The following NIBAN2 variants were observed in gnomAD, a reference collection of about 807,000 sequenced individuals.
NIBAN2 encodes protein Niban 2.
Under a neutral mutation model 81.8 loss-of-function variants are expected in NIBAN2, and 36 were observed. That is an observed-to-expected ratio of 0.44 (90% confidence interval 0.34 to 0.58). NIBAN2 has a LOEUF of 0.58. Ranked by LOEUF, NIBAN2 falls within the 20% of genes least tolerant of loss-of-function variation. The pLI is 0.02. For missense variants in NIBAN2, 897 were observed against 1,014.1 expected, an observed-to-expected ratio of 0.88 and a Z score of 1.57; for synonymous variants, 445 against 441.6, an observed-to-expected ratio of 1.01 and a Z score of -0.10.
chr9:127,528,221 T>C (rs1386500547), intron 2 of NIBAN2, among the ~76,000 whole-genome samples: 1 of 152,118 alleles, frequency 6.6e-6, no homozygotes, highest in East Asian at 1.9e-4. Flanking sequence ...GGGAGATCTT[T>C]AAACTAGGGT....
At chr9:127,527,363 G>T (rs745852032) in intron 2 of NIBAN2, 41 bp from the exon 3 acceptor site, 1 of 1,590,080 alleles carries the variant, frequency 6.3e-7, no homozygotes, top group South Asian at 1.1e-5. Context: ...CCAGGTCTGG[G>T]GGGGTGGTGC....
Position 127,517,343 on chromosome 9 carries a change from C to A in NIBAN2, c.706-127G>T. On this transcript the variant is annotated intron_variant, in intron 6 of 13. Coordinates refer to ENST00000373312, the MANE Select transcript of NIBAN2 (RefSeq NM_022833.4). This position sits in a 1 kb window ranked among gnomAD's most constrained non-coding sequence, Gnocchi z 4.0. ...CTCCGCGACTGGCCCATTGCTTCACCCTCCCTGCTGCCCTCTCTCCTGAGC... is the reference window on the plus strand; with the variant it reads ...CTCCGCGACTGGCCCATTGCTTCACACTCCCTGCTGCCCTCTCTCCTGAGC... 1.4e-6 allele frequency: 1 copy of A among 724,166 alleles called. No individual in the cohort carries two copies. The allele number at this position is 724,166 out of a possible 1,614,324, so 44.9% of individuals were successfully genotyped here. A position where few individuals can be genotyped will look rare whatever the true frequency, so the allele number is the denominator to read the frequency against.
chr9:127,549,086 C>T (rs1721293398), intron 1 of NIBAN2, among the ~76,000 whole-genome samples: 1 of 152,120 alleles, frequency 6.6e-6, no homozygotes, highest in South Asian at 2.1e-4. Context: ...TGCCTGACTC[C>T]CAGGAAGAGC....
intron 3 of NIBAN2, among the ~76,000 whole-genome samples, chr9:127,525,946 G>T (rs1837054524): frequency 6.6e-6 from 1 of 152,166 alleles, no homozygotes; most frequent in African/African-American, 2.4e-5. Flanking sequence ...GGGCAAAGCA[G>T]TTCTGATGGA....
chr9:127,525,209 A>G (rs193266265), intron 3 of NIBAN2, 46 bp from the exon 4 acceptor site: 11 of 1,481,760 alleles, frequency 7.4e-6, no homozygotes, highest in East Asian at 2.3e-5. Flanking sequence ...AGGTGCGGCC[A>G]AGCCCAAATC....
At chr9:127,556,724 C>T (rs1837677955) in intron 1 of NIBAN2, among the ~76,000 whole-genome samples, 1 of 152,180 alleles carries the variant, frequency 6.6e-6, no homozygotes, top group Non-Finnish European at 1.5e-5. Flanking sequence ...CTGTCCACCT[C>T]AGGGGAGCCC....
chr9:127,546,929 G>C (rs918933762), intron 1 of NIBAN2, among the ~76,000 whole-genome samples: 2 of 150,100 alleles, frequency 1.3e-5, no homozygotes, highest in African/African-American at 4.9e-5. Context: ...AAGCCTCCCA[G>C]AGGGAGGTAG....
intron 8 of NIBAN2, among the ~76,000 whole-genome samples, chr9:127,511,473 C>T (rs1017030203): frequency 6.6e-5 from 10 of 151,664 alleles, no homozygotes; most frequent in Admixed American, 1.3e-4. Flanking sequence ...GCTGGGATTA[C>T]AGGCATGAGC....
At chr9:127,515,600 G>A (rs1384240535) in intron 8 of NIBAN2, among the ~76,000 whole-genome samples, 3 of 151,888 alleles carry the variant, frequency 2.0e-5, no homozygotes, top group African/African-American at 7.3e-5. Context: ...ACTTTGGGAG[G>A]CCGAGGCAGG....
rs1554769727 is a variant in NIBAN2 at position 127,563,543 on chromosome 9, G to A, written c.55+5277C>T. Among the ~76,000 whole-genome samples the A allele has an allele frequency of 6.8e-6, 1 of 147,858 alleles. No individual in the cohort carries two copies. Among genetic ancestry groups the A allele is most frequent in the Non-Finnish European group, 1.5e-5 (1 of 66,866 alleles). On this transcript the variant is annotated intron_variant, in intron 1 of 13. Coordinates refer to ENST00000373312, the MANE Select transcript of NIBAN2 (RefSeq NM_022833.4). The surrounding 1 kb of genome is among the most constrained non-coding windows in gnomAD (Gnocchi z 4.1). Reference sequence around the variant, plus strand: ...AGAGGTAGATTTTTTTTTTTTTTGAGACAGAGTCTCACTCTGTCACCCAGG... The same window carrying A: ...AGAGGTAGATTTTTTTTTTTTTTGAAACAGAGTCTCACTCTGTCACCCAGG...
intron 4 of NIBAN2, among the ~76,000 whole-genome samples, chr9:127,524,220 C>A (rs563475418): frequency 3.9e-5 from 6 of 152,232 alleles, no homozygotes; most frequent in African/African-American, 1.4e-4. Context: ...CTGTGGAGGC[C>A]AAAGTGTGGC....
upstream of NIBAN2, among the ~76,000 whole-genome samples, chr9:127,569,462 TG>T (rs1359327645): frequency 6.6e-6 from 1 of 151,748 alleles, no homozygotes; most frequent in African/African-American, 2.4e-5. Flanking sequence ...GGGGGTGCTC[TG>T]GGGGACTCCA....
rs756681587 is a variant in NIBAN2, at chr9:127,510,149, G to A, written c.1158C>T (p.Gly386=). 14 of 1,609,186 alleles carry A rather than the reference G, an allele frequency of 8.7e-6. No individual in the cohort carries two copies. Among genetic ancestry groups the A allele is most frequent in the Middle Eastern group, 3.3e-4 (2 of 6,062 alleles). ...VINEGGIDKL[G]EYMEKLSRLA... ...CTAGGGGCGGTGCCGGCCTCACCTC[G>A]CCCAGCTTGTCAATGCCGCCCTCGT... Residue 386 remains glycine, a synonymous_variant, in exon 9 of 14, where the codon GGC becomes GGT. Coordinates refer to ENST00000373312, the MANE Select transcript of NIBAN2 (RefSeq NM_022833.4).
chr9:127,568,283 A>C (rs1837892880), intron 1 of NIBAN2, among the ~76,000 whole-genome samples: 1 of 152,066 alleles, frequency 6.6e-6, no homozygotes, highest in East Asian at 1.9e-4. Flanking sequence ...CGCCCCATCG[A>C]TCCCTGGCCC....
In NIBAN2 at chr9:127,559,566, GA is replaced by G. The variant is rs1451379116; in HGVS notation, c.55+9253del. 6.6e-6 allele frequency among the ~76,000 whole-genome samples: 1 copy of G among 152,234 alleles called. No individual in the cohort carries two copies. Among genetic ancestry groups the G allele is most frequent in the African/African-American group, 2.4e-5 (1 of 41,460 alleles). The stretch of plus-strand genomic sequence containing the variant: ...TTCTTCCCAAGGGACTCCTCTTCTA[GA>G]AGGTGCTAAGCTTCACAAATTCGGC... On this transcript the variant is annotated intron_variant, in intron 1 of 13. Transcript: ENST00000373312. The surrounding 1 kb of genome is among the most constrained non-coding windows in gnomAD (Gnocchi z 4.0).
chr9:127,508,825 G>C lies in NIBAN2; in HGVS notation c.1317+151C>G, dbSNP rs890774648. The C allele has an allele frequency of 3.3e-6, 3 of 897,076 alleles. No individual in the cohort carries two copies. The highest frequency in any genetic ancestry group is 5.2e-6 in the Non-Finnish European group (3 of 573,092). The allele number at this position is 897,076 out of a possible 1,614,324, so 55.6% of individuals were successfully genotyped here. On this transcript the variant is annotated intron_variant, in intron 10 of 13. Transcript: ENST00000373312. The surrounding 1 kb of genome is among the most constrained non-coding windows in gnomAD (Gnocchi z 6.4). Reference sequence around the variant, plus strand: ...AGTCAGAATTAGCCAGGTGGGCAGAGGCACAGATGTTCCAAGCAGAGGAGG... The same window carrying C: ...AGTCAGAATTAGCCAGGTGGGCAGACGCACAGATGTTCCAAGCAGAGGAGG...
Position 127,506,921 on chromosome 9 carries a change from T to C in NIBAN2, c.2165A>G (p.Gln722Arg), listed in dbSNP as rs1483703974. ...PKPSDQETGE[Q>R]VSSPSSHPAL... ...GGGGTGGCTGCTGGGGCTGGACACC[T>C]GCTCTCCAGTCTCCTGGTCGCTGGG... Residue 722 changes from glutamine (Q) to arginine (R), a missense_variant, in exon 14 of 14, where the codon CAG becomes CGG. Around this residue, in one of 3 missense-constraint regions of NIBAN2, gnomAD observed 619 missense variants for 691.0 expected, o/e 0.90. Coordinates refer to ENST00000373312, the MANE Select transcript of NIBAN2 (RefSeq NM_022833.4). 6.2e-7 allele frequency: 1 copy of C among 1,611,988 alleles called. No homozygotes were observed. Among genetic ancestry groups the C allele is most frequent in the African/African-American group, 1.3e-5 (1 of 74,884 alleles).
chr9:127,513,241 A>C, intron 8 of NIBAN2, among the ~76,000 whole-genome samples: 1 of 152,188 alleles, frequency 6.6e-6, no homozygotes, highest in Non-Finnish European at 1.5e-5. Flanking sequence ...AGCAGAAAAC[A>C]AAGCAATTGA....
rs764587574 is a variant in NIBAN2, at chr9:127,527,267, T to A, written c.242A>T (p.Asp81Val). ...FSGNLFQHQE[D>V]SKKWRNRFSL... Reference sequence around the variant, plus strand: ...GAAGCGGTTTCTCCACTTCTTGCTGTCCTCCTGGTGCTGGAAGAGGTTCCC... The same window carrying A: ...GAAGCGGTTTCTCCACTTCTTGCTGACCTCCTGGTGCTGGAAGAGGTTCCC... The change falls in exon 3 of 14, where the codon GAC (aspartate) becomes GTC (valine). Residue 81 changes from aspartate to valine, a missense_variant. Physicochemically the swap from Asp to Val is radical, Grantham distance 152. This residue lies in a region of NIBAN2 where 209 missense variants were observed against 208.4 expected (regional missense o/e 1.00). Transcript: ENST00000373312. 1.5e-5 allele frequency: 25 copies of A among 1,613,522 alleles called. No homozygotes were observed. Among genetic ancestry groups the A allele is most frequent in the South Asian group, 1.5e-4 (14 of 91,068 alleles).
Sources: gnomAD v4.1 joint callset for allele counts (sites outside exome capture counted in the v4.1 genomes callset) on GRCh38, gnomAD v4.1.1 for gene constraint, gnomAD v4.1.1 regional missense constraint, Gnocchi (gnomAD v3.1) non-coding constraint, MANE v1.5 for transcripts, NCBI Gene and HGNC (gene_info 2026-07-23, HGNC 2026-07-21) for gene names.